DTNB: variants seen among roughly 807,000 people sequenced by gnomAD.
DTNB encodes the protein dystrobrevin beta, also known as DTN-B.
Under a neutral mutation model 90.7 loss-of-function variants are expected in DTNB, and 63 were observed. The observed-to-expected ratio is 0.69, with a 90% confidence interval of 0.57 to 0.86. The LOEUF is 0.86. Ranked by LOEUF, DTNB falls within the 40% of genes least tolerant of loss-of-function variation. The probability of loss-of-function intolerance (pLI) is 0.00; values close to 1 mark genes in which losing one functional copy is unlikely to be tolerated. For missense variants in DTNB, 744 were observed against 807.1 expected (o/e 0.92, Z 0.95); for synonymous variants, 277 against 286.7 (o/e 0.97, Z 0.34).
chr2:25,404,183 C>G (rs2044450132), intron 16 of DTNB, among the ~76,000 whole-genome samples: 1 of 152,180 alleles, frequency 6.6e-6, no homozygotes, highest in African/African-American at 2.4e-5. Flanking sequence ...CCACTCTCAG[C>G]AGGCCTATCC....
intron 8 of DTNB, among the ~76,000 whole-genome samples, chr2:25,536,948 G>A (rs2079962676): frequency 6.6e-6 from 1 of 151,864 alleles, no homozygotes; most frequent in Non-Finnish European, 1.5e-5. Flanking sequence ...TCACCTGGTT[G>A]GCCAGGATGG....
intron 10 of DTNB, among the ~76,000 whole-genome samples, chr2:25,475,624 C>T (rs761575357): frequency 5.9e-5 from 9 of 152,188 alleles, no homozygotes; most frequent in Admixed American, 2.6e-4. Context: ...CGGCTTCTAT[C>T]GGAAGAAGAT....
intron 10 of DTNB, among the ~76,000 whole-genome samples, chr2:25,469,391 G>A (rs2062375209): frequency 6.6e-6 from 1 of 152,118 alleles, no homozygotes; most frequent in African/African-American, 2.4e-5. Context: ...AAATGAGGCT[G>A]GGGAGACAGG....
chr2:25,434,072 TAA>T (rs1264735049), intron 12 of DTNB, 77 bp from the exon 13 acceptor site: 8 of 1,356,144 alleles, frequency 5.9e-6, no homozygotes, highest in Non-Finnish European at 8.2e-6. Context: ...GACTGATTTT[TAA>T]AAAAGATTTT....
intron 2 of DTNB, among the ~76,000 whole-genome samples, chr2:25,640,610 A>C (rs1007499849): frequency 4.6e-5 from 7 of 152,154 alleles, no homozygotes; most frequent in African/African-American, 1.7e-4. Flanking sequence ...TAAAAGCTTT[A>C]TTAAAATATA....
chr2:25,615,972 C>T (rs2070338323), intron 4 of DTNB, among the ~76,000 whole-genome samples: 1 of 152,176 alleles, frequency 6.6e-6, no homozygotes, highest in African/African-American at 2.4e-5. Flanking sequence ...CAACATAGAG[C>T]TTTGAATGCA....
chr2:25,543,368 C>T (rs1369455754), intron 8 of DTNB, among the ~76,000 whole-genome samples: 1 of 151,718 alleles, frequency 6.6e-6, no homozygotes, highest in Non-Finnish European at 1.5e-5. Context: ...TGCAGTGGCA[C>T]GATCTCGACT....
chr2:25,569,397 T>A (rs915281206), intron 8 of DTNB, among the ~76,000 whole-genome samples: 1 of 152,120 alleles, frequency 6.6e-6, no homozygotes, highest in Admixed American at 6.5e-5. Context: ...AATACAAAAA[T>A]TAATATTTAG....
At chr2:25,633,878 G>C (rs1475472238) in intron 3 of DTNB, among the ~76,000 whole-genome samples, 1 of 151,338 alleles carries the variant, frequency 6.6e-6, no homozygotes, top group East Asian at 2.0e-4. Context: ...CGTCTGGGAG[G>C]TGAGGAGCGT....
chr2:25,653,875 C>T (rs967623099), intron 1 of DTNB, among the ~76,000 whole-genome samples: 2 of 152,070 alleles, frequency 1.3e-5, no homozygotes, highest in Non-Finnish European at 2.9e-5. Context: ...GGGAAGATGC[C>T]GTTCGTTCAC....
At chr2:25,545,951 T>C (rs1158977997) in intron 8 of DTNB, among the ~76,000 whole-genome samples, 1 of 152,194 alleles carries the variant, frequency 6.6e-6, no homozygotes, top group Non-Finnish European at 1.5e-5. Flanking sequence ...TTGCGAACCC[T>C]GAAAGAGTCA....
intron 10 of DTNB, among the ~76,000 whole-genome samples, chr2:25,477,234 T>C (rs2063910166): frequency 6.6e-6 from 1 of 152,244 alleles, no homozygotes; most frequent in Non-Finnish European, 1.5e-5. Context: ...GCAAAACTTT[T>C]ATATGTACTG....
intron 15 of DTNB, 99 bp downstream of exon 15, chr2:25,427,436 C>A (rs2052178878): frequency 8.5e-7 from 1 of 1,174,582 alleles, no homozygotes; most frequent in African/African-American, 1.5e-5. Flanking sequence ...TAAAGTCAAG[C>A]CTTTGGCCTC....
At chr2:25,584,583 G>GT (rs2062064058) in intron 6 of DTNB, among the ~76,000 whole-genome samples, 1 of 150,502 alleles carries the variant, frequency 6.6e-6, no homozygotes, top group African/African-American at 2.5e-5. Context: ...TTGAGACAGA[G>GT]TCTCACTCTT....
intron 8 of DTNB, among the ~76,000 whole-genome samples, chr2:25,575,022 T>C (rs1192469546): frequency 6.6e-6 from 1 of 152,152 alleles, no homozygotes; most frequent in East Asian, 1.9e-4. Context: ...TATCAGTCAC[T>C]TGTCTCTAAA....
intron 4 of DTNB, among the ~76,000 whole-genome samples, chr2:25,623,296 G>A (rs1445440006): frequency 1.3e-5 from 2 of 152,210 alleles, no homozygotes; most frequent in Non-Finnish European, 2.9e-5. Flanking sequence ...GTCCAGGGAG[G>A]TGAGTGCAAT....
intron 10 of DTNB, among the ~76,000 whole-genome samples, chr2:25,457,676 C>T (rs1278766426): frequency 6.6e-6 from 1 of 152,128 alleles, no homozygotes; most frequent in Non-Finnish European, 1.5e-5. Flanking sequence ...TTATTATTCT[C>T]TCATCACTCT....
chr2:25,615,185 A>T (rs545952630), intron 4 of DTNB, among the ~76,000 whole-genome samples: 5 of 152,296 alleles, frequency 3.3e-5, no homozygotes, highest in African/African-American at 1.2e-4. Flanking sequence ...GAGGAGATGC[A>T]TAGGGTGTGT....
chr2:25,387,193 TG>T lies in DTNB; in HGVS notation c.1825+95del. 8.5e-7 allele frequency: 1 copy of T among 1,178,900 alleles called. No homozygotes were observed. The highest frequency in any genetic ancestry group is 1.2e-6 in the Non-Finnish European group (1 of 822,176). 73.0% of individuals were successfully genotyped at this position (1,178,900 alleles called of 1,614,324 possible). A position where few individuals can be genotyped will look rare whatever the true frequency, so the allele number is the denominator to read the frequency against. Reference sequence around the variant, plus strand: ...GGTGATGAAATGGGGTGGTGCAAGCTGGGTGGTGAGGTTCTGCCGGTGCTGG... The same window carrying T: ...GGTGATGAAATGGGGTGGTGCAAGCTGGTGGTGAGGTTCTGCCGGTGCTGG... On this transcript the variant is annotated intron_variant, in intron 18 of 20. Coordinates refer to ENST00000406818, the MANE Select transcript of DTNB (RefSeq NM_021907.5). This position sits in a 1 kb window ranked among gnomAD's most constrained non-coding sequence, Gnocchi z 4.5.
Sources: gnomAD v4.1 joint callset for allele counts (sites outside exome capture counted in the v4.1 genomes callset) on GRCh38, gnomAD v4.1.1 for gene constraint, Gnocchi (gnomAD v3.1) non-coding constraint, MANE v1.5 for transcripts, NCBI Gene and HGNC (gene_info 2026-07-23, HGNC 2026-07-21) for gene names.